WDFY3: variants seen among roughly 807,000 people sequenced by gnomAD.
WDFY3 encodes WD repeat and FYVE domain containing 3, also known as WD repeat and FYVE domain-containing protein 3.
WDFY3 carries 66 observed loss-of-function variants against 409.6 expected under a neutral mutation model. The ratio of observed to expected loss-of-function variants is 0.16; its 90% CI spans 0.13 to 0.20. The LOEUF is 0.20. Ranked by LOEUF, WDFY3 falls within the 10% of genes least tolerant of loss-of-function variation. The probability of loss-of-function intolerance (pLI) is 1.00; values close to 1 mark genes in which losing one functional copy is unlikely to be tolerated. For missense variants in WDFY3, 3,031 were observed against 4,298.1 expected (o/e 0.71, Z 8.24); for synonymous variants, 1,521 against 1,537.1 (o/e 0.99, Z 0.25).
chr4:84,872,788 G>C (rs955999957), intron 3 of WDFY3, among the ~76,000 whole-genome samples: 1 of 152,036 alleles, frequency 6.6e-6, no homozygotes, highest in African/African-American at 2.4e-5. Context: ...GAGATGGAGA[G>C]AAATATACCA....
chr4:84,847,322 C>T (rs1293734648), intron 5 of WDFY3, among the ~76,000 whole-genome samples: 2 of 152,026 alleles, frequency 1.3e-5, no homozygotes, highest in Non-Finnish European at 2.9e-5. Context: ...CTTTTTAATG[C>T]TCCATTCTTA....
intron 1 of WDFY3, among the ~76,000 whole-genome samples, chr4:84,949,861 A>G (rs757684885): frequency 6.6e-5 from 10 of 152,232 alleles, no homozygotes; most frequent in Non-Finnish European, 2.9e-5. Flanking sequence ...GAACTGCAGT[A>G]AGAACAAGTG....
chr4:84,718,605 G>A, intron 47 of WDFY3, 35 bp from the exon 48 acceptor site: 2 of 1,589,484 alleles, frequency 1.3e-6, no homozygotes, highest in Non-Finnish European at 1.7e-6. Flanking sequence ...ATTAATATAG[G>A]CTTTTTGTAA....
Position 84,735,097 on chromosome 4 carries a change from A to G in WDFY3, c.6939T>C (p.Thr2313=). ...STQEISQWMF[T]HIAVVRDLVD... ...CTAAGTCACGAACAACAGCAATGTG[A>G]GTAAACATCCACTGCGAAATCTCCT... Residue 2313 remains threonine, a synonymous_variant, in exon 43 of 68, where the codon ACT becomes ACC. Transcript: ENST00000295888. 6.2e-7 allele frequency: 1 copy of G among 1,613,292 alleles called. No homozygotes were observed. Among genetic ancestry groups the G allele is most frequent in the Non-Finnish European group, 8.5e-7 (1 of 1,179,904 alleles).
intron 2 of WDFY3, among the ~76,000 whole-genome samples, chr4:84,927,797 T>G (rs1165390536): frequency 6.6e-6 from 1 of 152,276 alleles, no homozygotes; most frequent in Non-Finnish European, 1.5e-5. Context: ...CATGTGGAAC[T>G]GTGAATTAAT....
chr4:84,745,898 T>C (rs1438861147), intron 36 of WDFY3, among the ~76,000 whole-genome samples: 3 of 152,110 alleles, frequency 2.0e-5, no homozygotes. Flanking sequence ...AGCAGACTGA[T>C]AGTTCCAGGA....
intron 36 of WDFY3, among the ~76,000 whole-genome samples, chr4:84,744,852 CAAAAAAAAAAA>C (rs1165273561): frequency 0.11 from 1,759 of 15,704 alleles, 26 homozygotes; most frequent in Middle Eastern, 0.17. Context: ...GACTCCGTCT[CAAAAAAAAAAA>C]AAAAAAAAAA....
intron 8 of WDFY3, among the ~76,000 whole-genome samples, chr4:84,830,903 T>C (rs1755614593): frequency 6.6e-6 from 1 of 152,152 alleles, no homozygotes; most frequent in South Asian, 2.1e-4. Flanking sequence ...AAATATCCAT[T>C]GTTGGCCAGG....
intron 36 of WDFY3, among the ~76,000 whole-genome samples, chr4:84,747,787 T>C (rs1216164844): frequency 1.3e-5 from 2 of 152,184 alleles, no homozygotes; most frequent in South Asian, 2.1e-4. Context: ...AAGATGGATG[T>C]GTTTGCTTCC....
intron 1 of WDFY3, among the ~76,000 whole-genome samples, chr4:84,943,514 A>G (rs1482674545): frequency 2.0e-5 from 3 of 152,148 alleles, no homozygotes; most frequent in Non-Finnish European, 4.4e-5. Context: ...AGAAAAAAAA[A>G]AGAATACAGT....
At chr4:84,734,999 C>CA in intron 43 of WDFY3, 44 bp downstream of exon 43, 2 of 1,548,660 alleles carry the variant, frequency 1.3e-6, no homozygotes, top group East Asian at 4.5e-5. Context: ...CTTTCACATA[C>CA]AAAAAATGTA....
intron 2 of WDFY3, among the ~76,000 whole-genome samples, chr4:84,931,148 A>G (rs185824543): frequency 1.6e-3 from 245 of 152,278 alleles, no homozygotes; most frequent in Non-Finnish European, 2.2e-3. Context: ...GGGGTCTTGG[A>G]ACATATCCCT....
chr4:84,827,661 A>G (rs1283601325), intron 9 of WDFY3, among the ~76,000 whole-genome samples: 1 of 152,218 alleles, frequency 6.6e-6, no homozygotes, highest in Non-Finnish European at 1.5e-5. Flanking sequence ...TTGCCAACCT[A>G]CGTTCTCAAA....
intron 2 of WDFY3, among the ~76,000 whole-genome samples, chr4:84,916,390 C>G (rs1189055425): frequency 6.6e-6 from 1 of 152,160 alleles, no homozygotes; most frequent in East Asian, 1.9e-4. Context: ...AAAAAGAAAC[C>G]AAATGTGGAC....
At chr4:84,945,778 T>C (rs1428162773) in intron 1 of WDFY3, among the ~76,000 whole-genome samples, 2 of 152,218 alleles carry the variant, frequency 1.3e-5, no homozygotes, top group African/African-American at 4.8e-5. Flanking sequence ...TTCAAAGTTC[T>C]GCTTCTTGTC....
chr4:84,844,444 G>A (rs903815984), intron 5 of WDFY3: 1 of 1,288,674 alleles, frequency 7.8e-7, no homozygotes, highest in Non-Finnish European at 1.0e-6. Context: ...CACATCTTGG[G>A]AATGAAATTA....
chr4:84,757,287 C>A, intron 32 of WDFY3, 126 bp from the exon 33 acceptor site: 2 of 798,972 alleles, frequency 2.5e-6, no homozygotes, highest in Non-Finnish European at 2.0e-6. Flanking sequence ...CTACTATAGG[C>A]AATTAAGTAT....
At chr4:84,716,668 G>T (rs113082297) in intron 49 of WDFY3, among the ~76,000 whole-genome samples, 4,462 of 147,746 alleles carry the variant, frequency 0.03, 91 homozygotes, top group Non-Finnish European at 0.043. Context: ...GCGTGGTGGC[G>T]GGCGCCTATA....
At chr4:84,837,242 ATACAAC>A in intron 6 of WDFY3, 152 bp from the exon 7 acceptor site, 5 of 604,374 alleles carry the variant, frequency 8.3e-6, no homozygotes, top group Non-Finnish European at 1.3e-5. Flanking sequence ...GTGAAGAAAT[ATACAAC>A]TATGCATCTG....
Sources: allele counts gnomAD v4.1 joint callset (sites outside exome capture counted in the v4.1 genomes callset), GRCh38; gene constraint gnomAD v4.1.1; transcripts MANE v1.5; gene names NCBI Gene and HGNC (gene_info 2026-07-23, HGNC 2026-07-21).